The following TSPAN14 variants were observed in gnomAD, a reference collection of about 807,000 sequenced individuals.
TSPAN14 encodes the protein tetraspanin 14.
Under a neutral mutation model 36.6 loss-of-function variants are expected in TSPAN14, and 16 were observed. The ratio of observed to expected loss-of-function variants is 0.44; its 90% CI spans 0.30 to 0.66. The LOEUF (loss-of-function observed/expected upper bound fraction) is 0.66. Among genes scored for constraint, TSPAN14 ranks in the 30% least tolerant of loss-of-function variants. The pLI, the probability that TSPAN14 is intolerant of heterozygous loss-of-function variation, is 0.12. For missense variants in TSPAN14, 231 were observed against 355.1 expected, an observed-to-expected ratio of 0.65 and a Z score of 2.81; for synonymous variants, 139 against 143.8, an observed-to-expected ratio of 0.97 and a Z score of 0.24.
chr10:80,518,130 G>A (rs2132072525), exon 9 of TSPAN14: 1 of 799,624 alleles, frequency 1.3e-6, no homozygotes. Flanking sequence ...GTTTCTGCTT[G>A]CTGGTGCTGA....
At chr10:80,476,706 T>A (rs1175295958) in intron 1 of TSPAN14, among the ~76,000 whole-genome samples, 1 of 152,134 alleles carries the variant, frequency 6.6e-6, no homozygotes, top group East Asian at 1.9e-4. Context: ...TTTTACTGTA[T>A]TTTTTACTTG....
chr10:80,521,041 A>G (rs774056379), exon 9 of TSPAN14: 22 of 326,694 alleles, frequency 6.7e-5, no homozygotes, highest in South Asian at 3.5e-4. Flanking sequence ...GGGTTTCCCC[A>G]TGAATAACAA....
At chr10:80,455,196 G>T (rs1242990209) in intron 1 of TSPAN14, among the ~76,000 whole-genome samples, 2 of 152,128 alleles carry the variant, frequency 1.3e-5, no homozygotes, top group Non-Finnish European at 2.9e-5. Flanking sequence ...TGGGACCGCA[G>T]GAGCACTTGT....
intron 2 of TSPAN14, among the ~76,000 whole-genome samples, chr10:80,501,765 A>G (rs778193003): frequency 1.3e-5 from 2 of 152,142 alleles, no homozygotes; most frequent in Non-Finnish European, 2.9e-5. Context: ...ATTTGCTCTG[A>G]ATGCCTTTGG....
At position 80,492,963 on chromosome 10, in the gene TSPAN14, A is replaced by G. The variant is rs1030699976; in HGVS notation, c.81+3649A>G. On this transcript the variant is annotated intron_variant, in intron 2 of 8. Transcript: ENST00000429989. Reference sequence around the variant, plus strand: ...AACCTGCTTGGGATAAGAAATGTGGATGCCACTGATGTTTGCATGTCTGTT... The same window carrying G: ...AACCTGCTTGGGATAAGAAATGTGGGTGCCACTGATGTTTGCATGTCTGTT... 2.6e-5 allele frequency among the ~76,000 whole-genome samples: 4 copies of G among 152,262 alleles called. No individual in the cohort carries two copies. The East Asian group carries it at 7.7e-4, about 29-fold the overall frequency.
chr10:80,478,237 C>A (rs1426207205), intron 1 of TSPAN14, among the ~76,000 whole-genome samples: 3 of 151,818 alleles, frequency 2.0e-5, no homozygotes. Flanking sequence ...GAAAATTTTT[C>A]AAAAATAAGA....
exon 9 of TSPAN14, chr10:80,519,971 C>T (rs1249726547): frequency 6.6e-6 from 1 of 152,476 alleles, no homozygotes; most frequent in East Asian, 1.9e-4. Flanking sequence ...TCTGTCCACC[C>T]CTGTGCGATA....
At position 80,488,159 on chromosome 10, in the gene TSPAN14, G is replaced by A. The variant is rs78004817; in HGVS notation, c.-17-1058G>A. 8.5e-3 allele frequency among the ~76,000 whole-genome samples: 1,295 copies of A among 152,266 alleles called. 27 individuals carry two copies. Among genetic ancestry groups the A allele is most frequent in the African/African-American group, 0.029 (1,216 of 41,550 alleles). ...GGGGGTGAGCAGGGGGCTGGCATGGGACCACTGCCCTACGGGCCTCTGATC... is the reference window on the plus strand; with the variant it reads ...GGGGGTGAGCAGGGGGCTGGCATGGAACCACTGCCCTACGGGCCTCTGATC... On this transcript the variant is annotated intron_variant, in intron 1 of 8. Transcript: ENST00000429989.
exon 9 of TSPAN14, chr10:80,522,359 A>G (rs1841305440): frequency 6.6e-6 from 1 of 152,066 alleles, no homozygotes; most frequent in Non-Finnish European, 1.5e-5. Context: ...AAAAATACAA[A>G]AATTAGTCGG....
Position 80,512,311 on chromosome 10 carries a change from T to C in TSPAN14, c.576+42T>C, listed in dbSNP as rs763379847. 3 of 1,609,352 alleles carry C rather than the reference T, an allele frequency of 1.9e-6. No individual in the cohort carries two copies. In the African/African-American group the frequency reaches 4.0e-5, roughly 22 times the overall value. ...TGGGGCACAGGGAGCCCGCCCTTCC[T>C]GAAGCCCAGAAGCTTTCCTGACTCC... On this transcript the variant is annotated intron_variant, in intron 6 of 8. Coordinates refer to ENST00000429989, the Ensembl canonical transcript of TSPAN14.
chr10:80,507,273 G>C (rs1473557540), exon 4 of TSPAN14: 1 of 1,614,210 alleles, frequency 6.2e-7, no homozygotes, highest in Non-Finnish European at 8.5e-7. Flanking sequence ...GCATGGAATC[G>C]ACCCTGTGGT....
At chr10:80,487,794 CCCAG>C (rs1847697747) in intron 1 of TSPAN14, among the ~76,000 whole-genome samples, 2 of 152,046 alleles carry the variant, frequency 1.3e-5, no homozygotes, top group South Asian at 4.1e-4. Flanking sequence ...TGTCATTCTC[CCCAG>C]CTGGTTTCTG....
At chr10:80,489,223 C>T (rs775141910) in exon 2 of TSPAN14, 1 of 1,570,740 alleles carries the variant, frequency 6.4e-7, no homozygotes, top group Non-Finnish European at 8.7e-7. Context: ...GCAGATTCTG[C>T]TTCTCAGAAG....
chr10:80,471,754 T>C (rs1846563615), intron 1 of TSPAN14, among the ~76,000 whole-genome samples: 1 of 150,534 alleles, frequency 6.6e-6, no homozygotes, highest in South Asian at 2.1e-4. Context: ...GAAGTGGGGG[T>C]GGGGTGGGTA....
chr10:80,520,821 CTG>C (rs765648752), exon 9 of TSPAN14: 5 of 533,348 alleles, frequency 9.4e-6, no homozygotes, highest in Non-Finnish European at 1.9e-5. Flanking sequence ...TCTTCAGCCT[CTG>C]TAGCACCAGA....
At chr10:80,506,483 G>A (rs140781926) in intron 3 of TSPAN14, among the ~76,000 whole-genome samples, 90 of 152,272 alleles carry the variant, frequency 5.9e-4, no homozygotes, top group Non-Finnish European at 9.8e-4. Context: ...TGGTCTCTCC[G>A]GTCCCTTAGT....
intron 8 of TSPAN14, 145 bp downstream of exon 8, chr10:80,516,468 G>T: frequency 8.1e-7 from 1 of 1,236,402 alleles, no homozygotes. Context: ...GATGTCCAAG[G>T]CTGAGAGAGT....
intron 8 of TSPAN14, among the ~76,000 whole-genome samples, chr10:80,516,552 G>T (rs141827550): frequency 1.1e-3 from 167 of 152,366 alleles, no homozygotes; most frequent in African/African-American, 3.9e-3. Flanking sequence ...CCCTCTGGGC[G>T]GGGGCAGGCT....
chr10:80,485,037 T>A (rs1382787399), intron 1 of TSPAN14, among the ~76,000 whole-genome samples: 1 of 152,248 alleles, frequency 6.6e-6, no homozygotes, highest in African/African-American at 2.4e-5. Flanking sequence ...ACACTGATGC[T>A]TTATTTTCTA....
Sources: gnomAD v4.1 joint callset for allele counts (sites outside exome capture counted in the v4.1 genomes callset) on GRCh38, gnomAD v4.1.1 for gene constraint, MANE v1.5 for transcripts, NCBI Gene and HGNC (gene_info 2026-07-23, HGNC 2026-07-21) for gene names.